Variants in OSBP2 observed in about 807,000 individuals in gnomAD.
OSBP2 encodes the protein oxysterol binding protein 2.
OSBP2 carries 66 observed loss-of-function variants against 96.0 expected under a neutral mutation model. The observed-to-expected ratio is 0.69, with a 90% CI of 0.56 to 0.84. The LOEUF (loss-of-function observed/expected upper bound fraction) is 0.84, where lower values mean the gene tolerates loss of function less well. Ranked by LOEUF, OSBP2 falls within the 40% of genes least tolerant of loss-of-function variation. The pLI is 0.00. For missense variants in OSBP2, 1,038 were observed against 1,222.7 expected (o/e 0.85, Z 2.25); for synonymous variants, 525 against 520.9 (o/e 1.01, Z -0.11).
At chr22:30,891,936 A>T (rs1381589408) in intron 8 of OSBP2, among the ~76,000 whole-genome samples, 1 of 152,140 alleles carries the variant, frequency 6.6e-6, no homozygotes, top group East Asian at 1.9e-4. Flanking sequence ...TCTTTTAGAA[A>T]GGGGGTGGTC....
rs1414326313 is a variant in OSBP2, at chr22:30,893,993, C to T, written c.2367C>T (p.Tyr789=). Residue 789 remains tyrosine, a synonymous_variant, in exon 12 of 14, where the codon TAC becomes TAT. Transcript: ENST00000332585. ...CAGCCAAGCTGCTGTGGAAGAAGTA[C>T]CCGCTGCCGTGAGTAGGGCTGGCAG... The part of the protein sequence containing the change: ...TLSAKLLWKK[Y]PLPENAENMY... 3 of 1,593,156 alleles carry T rather than the reference C, an allele frequency of 1.9e-6. No individual in the cohort carries two copies. The highest frequency in any genetic ancestry group is 2.6e-6 in the Non-Finnish European group (3 of 1,170,506).
intron 3 of OSBP2, among the ~76,000 whole-genome samples, chr22:30,885,055 G>A (rs952479388): frequency 3.9e-5 from 6 of 152,150 alleles, no homozygotes; most frequent in African/African-American, 1.2e-4. Flanking sequence ...CATGAGGCAC[G>A]TCTGTTGAGT....
intron 2 of OSBP2, among the ~76,000 whole-genome samples, chr22:30,806,422 C>T (rs1460039801): frequency 1.3e-5 from 2 of 152,168 alleles, no homozygotes; most frequent in Non-Finnish European, 2.9e-5. Flanking sequence ...AGGTACCTTC[C>T]CTTCCTGGCC....
At chr22:30,829,333 TC>T (rs1282212474) in intron 2 of OSBP2, among the ~76,000 whole-genome samples, 1 of 152,178 alleles carries the variant, frequency 6.6e-6, no homozygotes, top group Non-Finnish European at 1.5e-5. Context: ...TCTGGAGTCT[TC>T]CAGGCTGCAG....
At position 30,793,283 on chromosome 22, in the gene OSBP2, A is replaced by G. The variant is rs8140814; in HGVS notation, c.853+51914A>G. Reference sequence around the variant, plus strand: ...CAGGTGCCTGTAATCCCAGCTACTCAGGAGGCTGAGGCAGGAGAATCACTT... The same window carrying G: ...CAGGTGCCTGTAATCCCAGCTACTCGGGAGGCTGAGGCAGGAGAATCACTT... On this transcript the variant is annotated intron_variant, in intron 2 of 13. Transcript: ENST00000332585. Among the ~76,000 whole-genome samples, 433 of 152,174 alleles carry G rather than the reference A, an allele frequency of 2.8e-3. 13 individuals are homozygous for G. In the East Asian group the frequency reaches 0.069, roughly 24 times the overall value.
At chr22:30,831,100 G>C (rs909106316) in intron 2 of OSBP2, among the ~76,000 whole-genome samples, 4 of 152,202 alleles carry the variant, frequency 2.6e-5, no homozygotes, top group Admixed American at 2.6e-4. Context: ...ACATTGCCAA[G>C]AATGCAATCG....
chr22:30,896,466 G>A (rs572684527), intron 12 of OSBP2, among the ~76,000 whole-genome samples: 18 of 152,298 alleles, frequency 1.2e-4, no homozygotes, highest in African/African-American at 4.3e-4. Flanking sequence ...GAAATGCTAA[G>A]TTCTTATTGG....
chr22:30,876,308 T>C (rs1284739766), intron 3 of OSBP2, among the ~76,000 whole-genome samples: 1 of 152,208 alleles, frequency 6.6e-6, no homozygotes, highest in Non-Finnish European at 1.5e-5. Flanking sequence ...CACCCAGTTA[T>C]CCTTCCTGGG....
chr22:30,798,399 T>C (rs2090795574), intron 2 of OSBP2, among the ~76,000 whole-genome samples: 1 of 152,240 alleles, frequency 6.6e-6, no homozygotes, highest in African/African-American at 2.4e-5. Context: ...GTTGATAGTG[T>C]CCTTGGAGGC....
rs2089934605 is a variant in OSBP2, at chr22:30,741,323, G to A, written c.807G>A (p.Leu269=). 3 of 1,613,220 alleles carry A rather than the reference G, an allele frequency of 1.9e-6. No individual in the cohort carries two copies. The highest frequency in any genetic ancestry group is 2.7e-5 in the African/African-American group (2 of 74,924). The change falls in exon 2 of 14, where the codon CTG becomes CTA. Residue 269 remains leucine, a synonymous_variant. Transcript: ENST00000332585. ...EVDRQQWITA[L]ELAKAKAVRV... Reference sequence around the variant, plus strand: ...ACCGGCAGCAGTGGATCACCGCCCTGGAGCTGGCCAAGGCCAAGGCTGTCC... The same window carrying A: ...ACCGGCAGCAGTGGATCACCGCCCTAGAGCTGGCCAAGGCCAAGGCTGTCC...
At chr22:30,834,794 G>GTCTTT (rs113056328) in intron 2 of OSBP2, among the ~76,000 whole-genome samples, 26 of 150,860 alleles carry the variant, frequency 1.7e-4, no homozygotes, top group South Asian at 4.2e-4. Context: ...TCTATGGATT[G>GTCTTT]TCTTTTCTTT....
Position 30,907,697 on chromosome 22 carries a change from G to A in OSBP2, c.*1358G>A, listed in dbSNP as rs866609433. The A allele has an allele frequency of 2.0e-5, 3 of 152,522 alleles. No homozygotes were observed. The highest frequency in any genetic ancestry group is 1.3e-4 in the Admixed American group (2 of 15,278). 9.4% of individuals were successfully genotyped at this position (152,522 alleles called of 1,614,324 possible). A position where few individuals can be genotyped will look rare whatever the true frequency, so the allele number is the denominator to read the frequency against. ...ACAATGCCCACTGGAGAGGCGGGGC[G>A]GGGTGGGGCAGGATGGCCCCACTGG... On this transcript the variant is annotated 3_prime_UTR_variant, in exon 14 of 14. Coordinates refer to ENST00000332585, the MANE Select transcript of OSBP2 (RefSeq NM_030758.4).
At chr22:30,759,849 T>C (rs949917904) in intron 2 of OSBP2, among the ~76,000 whole-genome samples, 22 of 152,208 alleles carry the variant, frequency 1.4e-4, no homozygotes, top group African/African-American at 5.1e-4. Flanking sequence ...ATTTCTTTTC[T>C]TTTTTAATTT....
chr22:30,787,032 T>A (rs1218700622), intron 2 of OSBP2, among the ~76,000 whole-genome samples: 1 of 151,998 alleles, frequency 6.6e-6, no homozygotes, highest in Non-Finnish European at 1.5e-5. Context: ...TCTCCTGACC[T>A]GGTGATCCGC....
chr22:30,790,914 T>C (rs2090665133), intron 2 of OSBP2, among the ~76,000 whole-genome samples: 1 of 152,222 alleles, frequency 6.6e-6, no homozygotes, highest in Non-Finnish European at 1.5e-5. Flanking sequence ...TGGAAGGATT[T>C]GGACAGTCAA....
At chr22:30,859,691 G>A (rs1465834920) in intron 2 of OSBP2, among the ~76,000 whole-genome samples, 4 of 152,214 alleles carry the variant, frequency 2.6e-5, no homozygotes, top group African/African-American at 7.2e-5. Context: ...TGGGGCAGCC[G>A]CTAACAAGGA....
chr22:30,767,138 C>CAAAAAAAAAAAA (rs1156950666), intron 2 of OSBP2, among the ~76,000 whole-genome samples: 66 of 78,124 alleles, frequency 8.4e-4, no homozygotes, highest in Non-Finnish European at 9.8e-4. Flanking sequence ...ACTAAAAATA[C>CAAAAAAAAAAAA]AAAAAAAAAA....
intron 2 of OSBP2, among the ~76,000 whole-genome samples, chr22:30,840,305 TAAAAAAA>T (rs71202016): frequency 5.7e-5 from 8 of 140,850 alleles, no homozygotes; most frequent in Non-Finnish European, 1.1e-4. Flanking sequence ...ATAAACCTGT[TAAAAAAA>T]AAAAGAAAAA....
chr22:30,694,115 G>A (rs1384194324), upstream of OSBP2: 6 of 1,549,580 alleles, frequency 3.9e-6, 1 homozygote, highest in East Asian at 1.5e-4. Context: ...GCCTACCCAG[G>A]GATCCCGGGA....
Sources: gnomAD v4.1 joint callset for allele counts (sites outside exome capture counted in the v4.1 genomes callset) on GRCh38, gnomAD v4.1.1 for gene constraint, MANE v1.5 for transcripts, NCBI Gene and HGNC (gene_info 2026-07-23, HGNC 2026-07-21) for gene names.